Variants in MYOF observed in about 807,000 individuals in gnomAD.
MYOF encodes myoferlin, also known as fer-1-like 3, myoferlin.
A neutral mutation model predicts 284.2 loss-of-function variants in MYOF; 244 were observed. The ratio of observed to expected loss-of-function variants is 0.86; its 90% CI spans 0.77 to 0.95. The LOEUF (loss-of-function observed/expected upper bound fraction) is 0.95. Among genes scored for constraint, MYOF ranks in the 40% least tolerant of loss-of-function variants. MYOF has a pLI of 0.00. For missense variants in MYOF, 2,496 were observed against 2,560.6 expected, an observed-to-expected ratio of 0.97 and a Z score of 0.54; for synonymous variants, 904 against 919.7, an observed-to-expected ratio of 0.98 and a Z score of 0.31.
In MYOF at chr10:93,387,721, G is replaced by A. The variant is rs960968060; in HGVS notation, c.1698+76C>T. The stretch of plus-strand genomic sequence containing the variant: ...CTCATTGTGAGTTGGGTTGCCTTCC[G>A]ACTCCCCCAGCTACCCCTTCAGTCC... On this transcript the variant is annotated intron_variant, in intron 19 of 53. Transcript: ENST00000359263. The A allele has an allele frequency of 3.3e-5, 42 of 1,264,538 alleles. 1 individual carries two copies. The African/African-American group carries it at 4.3e-4, about 13-fold the overall frequency. 78.3% of individuals were successfully genotyped at this position (1,264,538 alleles called of 1,614,324 possible). A position where few individuals can be genotyped will look rare whatever the true frequency, so the allele number is the denominator to read the frequency against.
rs1481674170 is a variant in MYOF, at chr10:93,356,782, A to G, written c.3187T>C (p.Trp1063Arg). 4 of 1,614,208 alleles carry G rather than the reference A, an allele frequency of 2.5e-6. No individual in the cohort carries two copies. The Admixed American group carries it at 6.7e-5, about 27-fold the overall frequency. Residue 1063 changes from tryptophan (W) to arginine (R), a missense_variant, in exon 30 of 54, where the codon TGG becomes CGG. Trp to Arg is a moderately radical substitution (Grantham distance 101, BLOSUM62 -3). Transcript: ENST00000359263. Reference sequence around the variant, plus strand: ...AAGGTATCTGAACTACGTTGTTTCCAGTGAAATTTCCAGCCAATTAGAGAA... The same window carrying G: ...AAGGTATCTGAACTACGTTGTTTCCGGTGAAATTTCCAGCCAATTAGAGAA... ...YASLIGWKFH[W>R]KQRSSDTFRR... is the part of the protein sequence containing the mutation.
chr10:93,326,694 G>A (rs1048910737), intron 45 of MYOF, among the ~76,000 whole-genome samples: 8 of 152,116 alleles, frequency 5.3e-5, no homozygotes, highest in Non-Finnish European at 1.2e-4. Flanking sequence ...GCGTGATCTC[G>A]GCTCACTGCA....
intron 6 of MYOF, 96 bp from the exon 7 acceptor site, chr10:93,409,011 T>C (rs900292164): frequency 6.4e-6 from 10 of 1,558,858 alleles, no homozygotes; most frequent in Non-Finnish European, 8.7e-6. Flanking sequence ...CCTATTAGGA[T>C]TGCTAACACC....
intron 18 of MYOF, among the ~76,000 whole-genome samples, chr10:93,388,770 C>T (rs1846524901): frequency 6.6e-6 from 1 of 152,126 alleles, no homozygotes; most frequent in Admixed American, 6.5e-5. Flanking sequence ...AAAAGAATTC[C>T]AAGGCAGCCC....
At chr10:93,319,664 T>C (rs1045563061) in intron 49 of MYOF, among the ~76,000 whole-genome samples, 1 of 152,102 alleles carries the variant, frequency 6.6e-6, no homozygotes, top group African/African-American at 2.4e-5. Flanking sequence ...GAAAGAAAGT[T>C]GTGCTCCTCA....
rs572349631 is a variant in MYOF, at chr10:93,473,631, G to T, written c.88+8476C>A. Among the ~76,000 whole-genome samples, 9 of 152,318 alleles carry T rather than the reference G, an allele frequency of 5.9e-5. No homozygotes were observed. The East Asian group carries it at 1.2e-3, about 20-fold the overall frequency. ...GGAGAGGGGAGCTGACATGATTCTG[G>T]CTCTTGTGAGGTCTGTGATCTGGAC... On this transcript the variant is annotated intron_variant, in intron 1 of 53. Coordinates refer to ENST00000359263, the MANE Select transcript of MYOF (RefSeq NM_013451.4).
Position 93,340,172 on chromosome 10 carries a change from T to TGCACATGTCCC in MYOF, c.4327-19_4327-9dup. ...AGTTACCTTTTCTGTCAGCTGCTCG[T>TGCACATGTCCC]GCACATGTCCCGTGAGGAAGAGGGC... On this transcript the variant is annotated splice_polypyrimidine_tract_variant and intron_variant, in intron 38 of 53. Coordinates refer to ENST00000359263, the MANE Select transcript of MYOF (RefSeq NM_013451.4). The TGCACATGTCCC allele has an allele frequency of 1.2e-6, 2 of 1,614,036 alleles. No homozygotes were observed. The highest frequency in any genetic ancestry group is 1.7e-6 in the Non-Finnish European group (2 of 1,179,954).
intron 24 of MYOF, among the ~76,000 whole-genome samples, chr10:93,371,579 A>G (rs1003639209): frequency 2.0e-5 from 3 of 152,250 alleles, no homozygotes; most frequent in Non-Finnish European, 4.4e-5. Context: ...AACATTTTAA[A>G]TTAAATATGT....
intron 19 of MYOF, among the ~76,000 whole-genome samples, chr10:93,385,054 T>C (rs900878998): frequency 5.5e-4 from 84 of 152,090 alleles, no homozygotes; most frequent in African/African-American, 2.0e-3. Context: ...CTCAAGGAGA[T>C]TGTAGTTGAG....
intron 19 of MYOF, 98 bp downstream of exon 19, chr10:93,387,699 A>G: frequency 5.6e-6 from 5 of 890,946 alleles, no homozygotes; most frequent in Non-Finnish European, 9.4e-6. Flanking sequence ...TGAGGGCCTC[A>G]TTGTGAGTTG....
chr10:93,336,159 T>C, intron 40 of MYOF, 113 bp from the exon 41 acceptor site: 1 of 1,226,888 alleles, frequency 8.2e-7, no homozygotes, highest in Non-Finnish European at 1.1e-6. Flanking sequence ...CGACCGGAAC[T>C]CCCAAATCGC....
chr10:93,431,325 G>T lies in MYOF; in HGVS notation c.345+83C>A, dbSNP rs892266209. On this transcript the variant is annotated intron_variant, in intron 4 of 53. Transcript: ENST00000359263. Reference sequence around the variant, plus strand: ...TGGGATTACAGGTGTGAGCCACCACGCCCGGCCTTAGACCTTTTTCTTAAT... The same window carrying T: ...TGGGATTACAGGTGTGAGCCACCACTCCCGGCCTTAGACCTTTTTCTTAAT... The T allele has an allele frequency of 2.2e-5, 26 of 1,181,878 alleles. No individual in the cohort carries two copies. In the South Asian group the frequency reaches 3.1e-4, roughly 14 times the overall value. 73.2% of individuals were successfully genotyped at this position (1,181,878 alleles called of 1,614,324 possible).
intron 5 of MYOF, among the ~76,000 whole-genome samples, chr10:93,421,938 T>G (rs763052971): frequency 3.3e-5 from 5 of 152,044 alleles, no homozygotes; most frequent in African/African-American, 7.2e-5. Flanking sequence ...GAGGTTTGTT[T>G]TTTTTTTTTA....
chr10:93,353,730 C>CA, intron 32 of MYOF, 81 bp downstream of exon 32: 1 of 1,187,734 alleles, frequency 8.4e-7, no homozygotes, highest in South Asian at 1.5e-5. Flanking sequence ...TTAGAAATGA[C>CA]AAAAAGCATT....
chr10:93,461,767 A>G (rs562782006), intron 1 of MYOF, among the ~76,000 whole-genome samples: 12 of 152,350 alleles, frequency 7.9e-5, no homozygotes, highest in Admixed American at 2.0e-4. Context: ...CTCAAGTACC[A>G]GGCTAAGCTT....
intron 5 of MYOF, among the ~76,000 whole-genome samples, chr10:93,420,289 C>T (rs141447669): frequency 1.6e-3 from 243 of 152,240 alleles, no homozygotes; most frequent in Middle Eastern, 6.8e-3. Context: ...CTTCCAGCTA[C>T]GGGAATGTAG....
intron 53 of MYOF, 120 bp from the exon 54 acceptor site, chr10:93,307,121 G>A (rs1387602725): frequency 3.3e-6 from 3 of 912,508 alleles, no homozygotes; most frequent in African/African-American, 3.3e-5. Flanking sequence ...TCTTGTTGGG[G>A]AGTGTCCTGT....
intron 3 of MYOF, among the ~76,000 whole-genome samples, chr10:93,444,682 G>A (rs1299502951): frequency 1.3e-5 from 2 of 152,250 alleles, no homozygotes; most frequent in Non-Finnish European, 1.5e-5. Flanking sequence ...AGCATTCCAC[G>A]CAAAGGGAAC....
At chr10:93,378,707 A>ATATATATATATATATATATATATG (rs1564664838) in intron 21 of MYOF, among the ~76,000 whole-genome samples, 2 of 133,430 alleles carry the variant, frequency 1.5e-5, no homozygotes, top group African/African-American at 5.7e-5. Flanking sequence ...ATATATATAT[A>ATATATATATATATATATATATATG]TATATATATG....
Sources: gnomAD v4.1 joint callset for allele counts (sites outside exome capture counted in the v4.1 genomes callset) on GRCh38, gnomAD v4.1.1 for gene constraint, MANE v1.5 for transcripts, NCBI Gene and HGNC (gene_info 2026-07-23, HGNC 2026-07-21) for gene names.